Variants in UBASH3A observed in about 807,000 individuals in gnomAD.
UBASH3A encodes the protein ubiquitin associated and SH3 domain containing A.
A neutral mutation model predicts 73.5 loss-of-function variants in UBASH3A; 63 were observed. The ratio of observed to expected loss-of-function variants is 0.86; its 90% CI spans 0.70 to 1.06. The LOEUF (loss-of-function observed/expected upper bound fraction) is 1.06, where lower values mean the gene tolerates loss of function less well. Ranked by LOEUF, UBASH3A falls within the 50% of genes least tolerant of loss-of-function variation. The pLI is 0.00. For synonymous variants in UBASH3A, 363 were observed against 351.1 expected, an observed-to-expected ratio of 1.03 and a Z score of -0.38; for missense variants, 860 against 859.0, an observed-to-expected ratio of 1.00 and a Z score of -0.02.
At chr21:42,439,666 ACACACAC>A (rs2053694084) in intron 11 of UBASH3A, among the ~76,000 whole-genome samples, 1 of 149,672 alleles carries the variant, frequency 6.7e-6, no homozygotes, top group Non-Finnish European at 1.5e-5. Context: ...CACACACCAC[ACACACAC>A]CACACGCCAC....
chr21:42,414,617 G>C (rs1038617782), intron 5 of UBASH3A, among the ~76,000 whole-genome samples: 1 of 152,182 alleles, frequency 6.6e-6, no homozygotes, highest in Admixed American at 6.5e-5. Flanking sequence ...TTCCCGTAAG[G>C]GTAGAGGCCG....
At chr21:42,446,915 G>A (rs1421133020) in intron 14 of UBASH3A, 142 bp from the exon 15 acceptor site, 3 of 881,420 alleles carry the variant, frequency 3.4e-6, no homozygotes. Flanking sequence ...AGATGTTGGT[G>A]CCATTCAATG....
At position 42,413,443 on chromosome 21, in the gene UBASH3A, A is replaced by G. The variant is rs1051763101; in HGVS notation, c.587A>G (p.Gln196Arg). The G allele has an allele frequency of 6.2e-7, 1 of 1,614,106 alleles. No homozygotes were observed. Among genetic ancestry groups the G allele is most frequent in the Non-Finnish European group, 8.5e-7 (1 of 1,180,004 alleles). ...TSVSRFWIFS[Q>R]VPGHGPNLRL... ...GTTTCCCGCTTCTGGATTTTCAGCC[A>G]GGTGCCTGGACATGGCCCTAACCTG... Residue 196 changes from glutamine to arginine, a missense_variant, in exon 5 of 15, where the codon CAG becomes CGG. By Grantham distance (43) the Gln-to-Arg change is conservative. Transcript: ENST00000319294. The surrounding 1 kb of genome is among the most constrained non-coding windows in gnomAD (Gnocchi z 4.5).
At position 42,410,081 on chromosome 21, in the gene UBASH3A, G is replaced by A. The variant is rs775790688; in HGVS notation, c.354+473G>A. ...TCAACTCAAGGATGGGTGATTGTTG[G>A]CTACCCACAAATGCAGAACTTTTCC... On this transcript the variant is annotated intron_variant, in intron 3 of 14. Transcript: ENST00000319294. The A allele has an allele frequency of 1.1e-5, 8 of 702,080 alleles. No individual in the cohort carries two copies. The African/African-American group carries it at 1.4e-4, about 12-fold the overall frequency. The allele number at this position is 702,080 out of a possible 1,614,324, so 43.5% of individuals were successfully genotyped here.
At position 42,413,571 on chromosome 21, in the gene UBASH3A, C is replaced by A; in HGVS notation, c.667+48C>A. 2.2e-6 allele frequency: 3 copies of A among 1,351,014 alleles called. No individual in the cohort carries two copies. The highest frequency in any genetic ancestry group is 1.4e-5 in the African/African-American group (1 of 69,028). 83.7% of individuals were successfully genotyped at this position (1,351,014 alleles called of 1,614,324 possible). A position where few individuals can be genotyped will look rare whatever the true frequency, so the allele number is the denominator to read the frequency against. Reference sequence around the variant, plus strand: ...GACCAGCTTTGGTCTTCTCTTTAGGCGGGAATAGCCTTGTTCTCATTATGT... The same window carrying A: ...GACCAGCTTTGGTCTTCTCTTTAGGAGGGAATAGCCTTGTTCTCATTATGT... On this transcript the variant is annotated intron_variant, in intron 5 of 14. Coordinates refer to ENST00000319294, the MANE Select transcript of UBASH3A (RefSeq NM_018961.4). The surrounding 1 kb of genome is among the most constrained non-coding windows in gnomAD (Gnocchi z 4.5).
chr21:42,416,949 T>C (rs2053224557), intron 6 of UBASH3A, among the ~76,000 whole-genome samples: 1 of 149,702 alleles, frequency 6.7e-6, no homozygotes, highest in Non-Finnish European at 1.5e-5. Context: ...AGCAGATGAG[T>C]GAACGGCCAC....
intron 11 of UBASH3A, among the ~76,000 whole-genome samples, chr21:42,440,778 C>T (rs1354010000): frequency 6.6e-6 from 1 of 152,214 alleles, no homozygotes; most frequent in Non-Finnish European, 1.5e-5. Flanking sequence ...CTTTCCCTAC[C>T]CAACCTCTCT....
intron 2 of UBASH3A, among the ~76,000 whole-genome samples, chr21:42,406,982 G>C (rs927299108): frequency 3.0e-4 from 45 of 152,162 alleles, no homozygotes; most frequent in Non-Finnish European, 8.8e-5. Context: ...CTGCCTCTGA[G>C]GGGAAGGGAG....
chr21:42,430,633 C>T (rs2053511771), intron 8 of UBASH3A, among the ~76,000 whole-genome samples: 1 of 152,204 alleles, frequency 6.6e-6, no homozygotes, highest in African/African-American at 2.4e-5. Context: ...CAGAAGGCCC[C>T]ACAGCCCACC....
intron 8 of UBASH3A, among the ~76,000 whole-genome samples, chr21:42,431,152 T>A (rs113209216): frequency 0.038 from 5,856 of 152,306 alleles, 121 homozygotes; most frequent in African/African-American, 0.052. Context: ...TCTCATTTGC[T>A]GTGGGTTCCT....
intron 14 of UBASH3A, among the ~76,000 whole-genome samples, chr21:42,445,207 G>A (rs2053824673): frequency 6.6e-6 from 1 of 152,236 alleles, no homozygotes; most frequent in African/African-American, 2.4e-5. Flanking sequence ...AGAGGGTGAT[G>A]TCCAGTCCAT....
chr21:42,423,839 T>C (rs2053386400), intron 7 of UBASH3A, among the ~76,000 whole-genome samples: 1 of 152,118 alleles, frequency 6.6e-6, no homozygotes, highest in East Asian at 1.9e-4. Context: ...GGTTGTCTGA[T>C]TGGTCCTGCT....
chr21:42,418,360 A>G (rs112141973), intron 6 of UBASH3A, 41 bp from the exon 7 acceptor site: 112,600 of 1,581,052 alleles, frequency 0.071, 4,604 homozygotes, highest in Middle Eastern at 0.1. Flanking sequence ...TCCAATGTAA[A>G]TCTTTGCTCG....
intron 6 of UBASH3A, 103 bp downstream of exon 6, chr21:42,416,714 A>C (rs2053219656): frequency 1.7e-6 from 2 of 1,169,908 alleles, no homozygotes; most frequent in Non-Finnish European, 2.3e-6. Flanking sequence ...GCGGCGGATC[A>C]TGAGGTCAGG....
intron 7 of UBASH3A, among the ~76,000 whole-genome samples, chr21:42,426,312 C>T (rs2053433527): frequency 6.6e-6 from 1 of 152,168 alleles, no homozygotes; most frequent in Admixed American, 6.5e-5. Flanking sequence ...GAGCCAGCAC[C>T]ATGGAGTCCA....
rs571461722 is a variant in UBASH3A at position 42,411,348 on chromosome 21, C to T, written c.355-1676C>T. On this transcript the variant is annotated intron_variant, in intron 3 of 14. Transcript: ENST00000319294. ...ACACAGATACATGCACATAGACACA[C>T]ACAGACACACACAGAGACACACATT... 5.9e-5 allele frequency among the ~76,000 whole-genome samples: 9 copies of T among 152,164 alleles called. No homozygotes were observed. The South Asian group carries it at 1.7e-3, about 28-fold the overall frequency.
chr21:42,447,257 G>A lies in UBASH3A; in HGVS notation c.*63G>A. 6.4e-7 allele frequency: 1 copy of A among 1,551,826 alleles called. No homozygotes were observed. The highest frequency in any genetic ancestry group is 8.7e-7 in the Non-Finnish European group (1 of 1,145,614). ...GGCAGAAACCATGTGCAGAGGCTGG[G>A]AGATGCTGCTGTTTCCAGAGGCGTC... On this transcript the variant is annotated 3_prime_UTR_variant, in exon 15 of 15. Transcript: ENST00000319294.
At chr21:42,412,543 C>G (rs554390532) in intron 3 of UBASH3A, among the ~76,000 whole-genome samples, 1 of 152,328 alleles carries the variant, frequency 6.6e-6, no homozygotes, top group Admixed American at 6.5e-5. Flanking sequence ...TGGAACCCGA[C>G]TCAGTGCTCA....
Position 42,432,151 on chromosome 21 carries a change from G to A in UBASH3A, c.1219G>A (p.Val407Met), listed in dbSNP as rs767905511. ...SVLVVRHGER[V>M]DQIFGKAWLQ... ...GCTGGTGGTTCGCCACGGGGAGAGA[G>A]TGGATCAGATCTTCGGGAAGGCATG... Residue 407 changes from valine to methionine, a missense_variant, in exon 9 of 15, where the codon GTG (valine) becomes ATG (methionine). By Grantham distance (21) the Val-to-Met change is conservative. Transcript: ENST00000319294. 3.1e-6 allele frequency: 5 copies of A among 1,613,800 alleles called. No individual in the cohort carries two copies. In the South Asian group the frequency reaches 4.4e-5, roughly 14 times the overall value.
Sources: allele counts gnomAD v4.1 joint callset (sites outside exome capture counted in the v4.1 genomes callset), GRCh38; gene constraint gnomAD v4.1.1; non-coding constraint Gnocchi (gnomAD v3.1); transcripts MANE v1.5; gene names NCBI Gene and HGNC (gene_info 2026-07-23, HGNC 2026-07-21).